The following TSPAN4 variants were observed in gnomAD, a reference collection of about 807,000 sequenced individuals.
The protein encoded by TSPAN4 is tetraspanin 4, also known as tetraspanin-4.
Under a neutral mutation model 31.5 loss-of-function variants are expected in TSPAN4, and 38 were observed. The ratio of observed to expected loss-of-function variants is 1.21; its 90% confidence interval spans 0.93 to 1.58. The LOEUF (loss-of-function observed/expected upper bound fraction) is 1.58, where lower values mean the gene tolerates loss of function less well. TSPAN4 is among the 40% of genes most tolerant of loss of function. The pLI is 0.00. For synonymous variants in TSPAN4, 186 were observed against 144.6 expected (o/e 1.29, Z -2.06); for missense variants, 330 against 317.3 (o/e 1.04, Z -0.30).
chr11:865,220 A>G, intron 5 of TSPAN4: 1 of 426,018 alleles, frequency 2.3e-6, no homozygotes, highest in East Asian at 4.4e-5. Flanking sequence ...CAGCTCACAG[A>G]GCATGGCTGC....
intron 3 of TSPAN4, among the ~76,000 whole-genome samples, chr11:852,710 G>A (rs1847821735): frequency 1.3e-5 from 2 of 152,224 alleles, no homozygotes; most frequent in Non-Finnish European, 2.9e-5. Flanking sequence ...TTTCCTTTTG[G>A]GGGTGCCAGC....
intron 3 of TSPAN4, among the ~76,000 whole-genome samples, chr11:854,612 C>T (rs757446603): frequency 1.3e-5 from 2 of 152,206 alleles, no homozygotes; most frequent in African/African-American, 2.4e-5. Flanking sequence ...GCTGCCTGGG[C>T]TGTCAACCCT....
In TSPAN4 at chr11:866,790, C is replaced by T. The variant is rs1848878460; in HGVS notation, c.*160C>T. 1.2e-6 allele frequency: 1 copy of T among 806,426 alleles called. No individual in the cohort carries two copies. Among genetic ancestry groups the T allele is most frequent in the Non-Finnish European group, 1.9e-6 (1 of 533,312 alleles). 50.0% of individuals were successfully genotyped at this position (806,426 alleles called of 1,614,324 possible). On this transcript the variant is annotated 3_prime_UTR_variant, in exon 9 of 9. Transcript: ENST00000397397. The stretch of plus-strand genomic sequence containing the variant: ...CCCCCGGAACCCTGTTTCTGGAAGG[C>T]CCTAGCTCAGGTGGCTTCAGGGCCT...
intron 1 of TSPAN4, 83 bp from the exon 2 acceptor site, chr11:847,118 C>T (rs1847364310): frequency 6.6e-6 from 1 of 152,198 alleles, no homozygotes; most frequent in Non-Finnish European, 1.5e-5. Flanking sequence ...GTGGGGGTTC[C>T]CTGCCCTTCT....
At chr11:863,332 GC>G (rs987604278) in intron 4 of TSPAN4, 5 of 152,294 alleles carry the variant, frequency 3.3e-5, no homozygotes, top group African/African-American at 1.2e-4. Flanking sequence ...CCTGGCCGAG[GC>G]CGTGGGCCCT....
Position 866,977 on chromosome 11 carries a change from G to A in TSPAN4, c.*347G>A, listed in dbSNP as rs1848891785. ...CCTCCTGGAAAACAGGTTGGCGCTGGAGGAGCCGGGTCTTGGCATCCTGGA... is the reference window on the plus strand; with the variant it reads ...CCTCCTGGAAAACAGGTTGGCGCTGAAGGAGCCGGGTCTTGGCATCCTGGA... On this transcript the variant is annotated 3_prime_UTR_variant, in exon 9 of 9. Coordinates refer to ENST00000397397, the MANE Select transcript of TSPAN4 (RefSeq NM_003271.5). 4.5e-6 allele frequency: 1 copy of A among 220,504 alleles called. No homozygotes were observed. The highest frequency in any genetic ancestry group is 9.0e-6 in the Non-Finnish European group (1 of 111,414). 13.7% of individuals were successfully genotyped at this position (220,504 alleles called of 1,614,324 possible).
intron 1 of TSPAN4, among the ~76,000 whole-genome samples, chr11:846,971 C>T (rs562940540): frequency 6.6e-6 from 1 of 152,154 alleles, no homozygotes; most frequent in Non-Finnish European, 1.5e-5. Flanking sequence ...CCTGAAGGAG[C>T]AGAATTTGGT....
intron 5 of TSPAN4, 131 bp from the exon 6 acceptor site, chr11:865,382 G>T: frequency 1.5e-6 from 1 of 687,822 alleles, no homozygotes; most frequent in South Asian, 1.8e-5. Flanking sequence ...CTGCAGCTTG[G>T]TGGGCTAGGA....
intron 3 of TSPAN4, among the ~76,000 whole-genome samples, chr11:860,528 C>T (rs552862347): frequency 1.3e-5 from 2 of 152,316 alleles, no homozygotes; most frequent in East Asian, 1.9e-4. Context: ...TGTTGGGGCT[C>T]ATGGGCCCTC....
rs373007265 is a variant in TSPAN4 at position 865,508 on chromosome 11, C to T, written c.331-5C>T. The T allele has an allele frequency of 2.4e-5, 39 of 1,609,900 alleles. No individual in the cohort carries two copies. The African/African-American group carries it at 4.8e-4, about 20-fold the overall frequency. ...GGGCCCTGCTGACCCCCCCCGCACC[C>T]CCAGATTGACAGGTATGCCCAGCAA... On this transcript the variant is annotated splice_polypyrimidine_tract_variant and splice_region_variant and intron_variant, in intron 5 of 8. Coordinates refer to ENST00000397397, the MANE Select transcript of TSPAN4 (RefSeq NM_003271.5).
intron 3 of TSPAN4, among the ~76,000 whole-genome samples, chr11:852,491 C>T (rs1050238963): frequency 6.6e-6 from 1 of 152,222 alleles, no homozygotes; most frequent in Non-Finnish European, 1.5e-5. Context: ...AGCCTTGGCC[C>T]CCCCCAACCC....
chr11:856,388 G>A (rs1848045014), intron 3 of TSPAN4, among the ~76,000 whole-genome samples: 1 of 151,470 alleles, frequency 6.6e-6, no homozygotes, highest in Non-Finnish European at 1.5e-5. Flanking sequence ...AGTGTGAGCT[G>A]ATGTCTGGGA....
chr11:851,648 G>A (rs1847737404), intron 3 of TSPAN4, among the ~76,000 whole-genome samples: 1 of 152,138 alleles, frequency 6.6e-6, no homozygotes, highest in Admixed American at 6.5e-5. Context: ...GCTCTGGAGG[G>A]GTGAGGCCCA....
At chr11:855,253 G>A (rs1847982186) in intron 3 of TSPAN4, among the ~76,000 whole-genome samples, 1 of 152,206 alleles carries the variant, frequency 6.6e-6, no homozygotes, top group Non-Finnish European at 1.5e-5. Context: ...AGGGCTGCAG[G>A]GGGCAGGCAG....
chr11:863,010 G>C (rs1372210887), intron 4 of TSPAN4: 1 of 454,910 alleles, frequency 2.2e-6, no homozygotes, highest in East Asian at 3.9e-5. Context: ...ACGGGACACT[G>C]GCCCTGGTGA....
chr11:854,171 G>C (rs1847912995), intron 3 of TSPAN4, among the ~76,000 whole-genome samples: 1 of 152,198 alleles, frequency 6.6e-6, no homozygotes, highest in African/African-American at 2.4e-5. Flanking sequence ...CCACCACGAA[G>C]GGCTGTCCTC....
At chr11:861,765 A>G (rs547978019) in intron 3 of TSPAN4, among the ~76,000 whole-genome samples, 2 of 151,792 alleles carry the variant, frequency 1.3e-5, no homozygotes, top group South Asian at 2.1e-4. Context: ...TAAAAATACA[A>G]AAAATTAACC....
At chr11:854,387 C>T (rs1345860401) in intron 3 of TSPAN4, among the ~76,000 whole-genome samples, 1 of 152,202 alleles carries the variant, frequency 6.6e-6, no homozygotes, top group South Asian at 2.1e-4. Flanking sequence ...CTCCTTGAGG[C>T]CTCATTTTCC....
intron 4 of TSPAN4, 159 bp from the exon 5 acceptor site, chr11:864,258 CTGGGGCCAAGGGTTCTGAGG>C: frequency 1.4e-6 from 1 of 704,298 alleles, no homozygotes; most frequent in Admixed American, 2.3e-5. Context: ...GTCCCTGGAC[CTGGGGCCAAGGGTTCTGAGG>C]TGGGGGCGGC....
Sources: allele counts gnomAD v4.1 joint callset (sites outside exome capture counted in the v4.1 genomes callset), GRCh38; gene constraint gnomAD v4.1.1; transcripts MANE v1.5; gene names NCBI Gene and HGNC (gene_info 2026-07-23, HGNC 2026-07-21).